LAMA5: variants seen among roughly 807,000 people sequenced by gnomAD.
The protein encoded by LAMA5 is laminin subunit alpha 5.
Under a neutral mutation model 433.4 loss-of-function variants are expected in LAMA5, and 260 were observed. The ratio of observed to expected loss-of-function variants is 0.60; its 90% CI spans 0.54 to 0.66. LAMA5 has a LOEUF of 0.66. Ranked by LOEUF, LAMA5 falls within the 30% of genes least tolerant of loss-of-function variation. The pLI is 0.00. For missense variants in LAMA5, 5,378 were observed against 5,258.5 expected, an observed-to-expected ratio of 1.02 and a Z score of -0.70; for synonymous variants, 2,620 against 2,226.6, an observed-to-expected ratio of 1.18 and a Z score of -4.97.
rs571296023 is a variant in LAMA5 at position 62,319,725 on chromosome 20, G to A, written c.6830C>T (p.Thr2277Met). ...CACAGCCCGGATGGCCGCCAACAGC[G>A]TCTTCGCATGGCCCAGTGTGGCCTC... ...GTEATLGHAK[T>M]LLAAIRAVDR... Residue 2277 changes from threonine (T) to methionine (M), a missense_variant, in exon 51 of 80, where the codon ACG (threonine) becomes ATG (methionine). Physicochemically the swap from Thr to Met is moderately conservative, Grantham distance 81. Transcript: ENST00000252999. 2.5e-5 allele frequency: 38 copies of A among 1,548,294 alleles called. No homozygotes were observed. The East Asian group carries it at 4.4e-4, about 18-fold the overall frequency.
chr20:62,314,522 G>A (rs1161838515), intron 61 of LAMA5, 33 bp downstream of exon 61: 2 of 1,605,814 alleles, frequency 1.2e-6, no homozygotes, highest in Non-Finnish European at 8.5e-7. Flanking sequence ...CAGAGCCTGA[G>A]CTCGGGCCGC....
chr20:62,338,340 C>A lies in LAMA5; in HGVS notation c.1648G>T (p.Asp550Tyr). Reference protein sequence around the residue: ...PCQCSSPGVADDRCDPDTGQC... With the variant: ...PCQCSSPGVAYDRCDPDTGQC... ...CCTGTGTCAGGGTCACAGCGGTCAT[C>A]GGCCACTCCAGGGCTGGAACACTGG... The change falls in exon 13 of 80, where the codon GAT becomes TAT. Residue 550 changes from aspartate (D) to tyrosine (Y), a missense_variant. Asp to Tyr is a radical substitution (Grantham distance 160, BLOSUM62 -3). Transcript: ENST00000252999. 6.2e-7 allele frequency: 1 copy of A among 1,608,658 alleles called. No individual in the cohort carries two copies. Among genetic ancestry groups the A allele is most frequent in the Non-Finnish European group, 8.5e-7 (1 of 1,177,806 alleles).
intron 9 of LAMA5, 131 bp downstream of exon 9, chr20:62,346,375 C>T (rs938656348): frequency 6.6e-6 from 9 of 1,359,550 alleles, no homozygotes; most frequent in Non-Finnish European, 9.0e-6. Flanking sequence ...GCCCCGTGGC[C>T]TGGGAGGCTC....
At chr20:62,317,521 C>T (rs1158073100) in intron 54 of LAMA5, 22 bp from the exon 55 acceptor site, 3 of 1,533,216 alleles carry the variant, frequency 2.0e-6, no homozygotes, top group Admixed American at 2.0e-5. Context: ...GTGGACTTAG[C>T]CCCTCATCCT....
chr20:62,311,068 G>T lies in LAMA5; in HGVS notation c.10115C>A (p.Pro3372Gln). Residue 3372 changes from proline to glutamine, a missense_variant, in exon 74 of 80, where the codon CCG (proline) becomes CAG (glutamine). Transcript: ENST00000252999. ...GAGGAGGAGGCCTCGGGAGCTTCGC[G>T]GGAGGACGTGCATGGAGAGACTGGG... The part of the protein sequence containing the change: ...NWPSLSMHVL[P>Q]RSSRGLLLFT... 1 of 1,593,812 alleles carries T rather than the reference G, an allele frequency of 6.3e-7. No individual in the cohort carries two copies. The highest frequency in any genetic ancestry group is 1.1e-5 in the South Asian group (1 of 88,692).
chr20:62,319,194 G>A (rs1987383168), intron 51 of LAMA5, 181 bp from the exon 52 acceptor site: 1 of 608,744 alleles, frequency 1.6e-6, no homozygotes, highest in East Asian at 2.8e-5. Context: ...CACCTGCCCG[G>A]CCCTCACCTC....
intron 3 of LAMA5, 154 bp downstream of exon 3, chr20:62,352,979 TG>T (rs2146316170): frequency 1.7e-6 from 1 of 589,868 alleles, no homozygotes; most frequent in South Asian, 2.1e-5. Context: ...TAAATCCCCA[TG>T]AGCCTTCGGG....
In LAMA5 at chr20:62,319,734, T is replaced by TGGC. The variant is rs1568913378; in HGVS notation, c.6818_6820dup (p.Gly2273_His2274insArg). On this transcript the variant is annotated inframe_insertion, in exon 51 of 80. Coordinates refer to ENST00000252999, the MANE Select transcript of LAMA5 (RefSeq NM_005560.6). ...GATGGCCGCCAACAGCGTCTTCGCA[T>TGGC]GGCCCAGTGTGGCCTCGGTGCCGGC... 6.5e-7 allele frequency: 1 copy of TGGC among 1,548,990 alleles called. No individual in the cohort carries two copies. Among genetic ancestry groups the TGGC allele is most frequent in the Non-Finnish European group, 8.7e-7 (1 of 1,147,532 alleles).
chr20:62,336,668 ACT>A, intron 17 of LAMA5, 64 bp downstream of exon 17: 1 of 1,570,806 alleles, frequency 6.4e-7, no homozygotes, highest in South Asian at 1.1e-5. Flanking sequence ...GTCTCACCGG[ACT>A]CGGGACTTTT....
intron 56 of LAMA5, 49 bp downstream of exon 56, chr20:62,316,833 G>A (rs1986986187): frequency 6.5e-7 from 1 of 1,544,534 alleles, no homozygotes; most frequent in Non-Finnish European, 8.7e-7. Flanking sequence ...GGGAGGTGCA[G>A]GCAGTGGGGG....
chr20:62,336,475 C>A (rs750121084), intron 17 of LAMA5, 30 bp from the exon 18 acceptor site: 1 of 1,567,064 alleles, frequency 6.4e-7, no homozygotes, highest in Non-Finnish European at 8.7e-7. Flanking sequence ...CAGGTCAGAG[C>A]GGGCGCCCTG....
intron 11 of LAMA5, among the ~76,000 whole-genome samples, chr20:62,343,450 C>T (rs1982896232): frequency 6.6e-6 from 1 of 152,014 alleles, no homozygotes; most frequent in Non-Finnish European, 1.5e-5. Context: ...GGCAAATGAC[C>T]CATCAGGAGA....
At chr20:62,332,073 A>G (rs1010182171) in intron 28 of LAMA5, among the ~76,000 whole-genome samples, 12 of 151,502 alleles carry the variant, frequency 7.9e-5, no homozygotes, top group African/African-American at 2.9e-4. Flanking sequence ...AAAAGAAAAG[A>G]AAGTTCCAGA....
In LAMA5 at chr20:62,352,034, A is replaced by G; in HGVS notation, c.733T>C (p.Ser245Pro). The change falls in exon 5 of 80, where the codon TCC becomes CCC. Residue 245 changes from serine to proline, a missense_variant. By Grantham distance (74) the Ser-to-Pro change is moderately conservative (BLOSUM62 -1). Coordinates refer to ENST00000252999, the MANE Select transcript of LAMA5 (RefSeq NM_005560.6). ...AACTCACGTAGCAGCGGCGAGTAGG[A>G]GAAATTCATGGCGCCCGGACGTCCG... Reference protein sequence around the residue: ...VNGRPGAMNFSYSPLLREFTK... With the variant: ...VNGRPGAMNFPYSPLLREFTK... 2 of 1,612,646 alleles carry G rather than the reference A, an allele frequency of 1.2e-6. No homozygotes were observed. The highest frequency in any genetic ancestry group is 1.7e-6 in the Non-Finnish European group (2 of 1,179,932).
At chr20:62,348,286 G>A (rs1983674304) in intron 6 of LAMA5, among the ~76,000 whole-genome samples, 2 of 152,150 alleles carry the variant, frequency 1.3e-5, no homozygotes, top group Non-Finnish European at 2.9e-5. Context: ...AGCCAGGGAA[G>A]AATGTTAAAA....
intron 21 of LAMA5, 35 bp downstream of exon 21, chr20:62,334,487 C>T (rs755917329): frequency 2.0e-5 from 31 of 1,532,666 alleles, no homozygotes; most frequent in Middle Eastern, 2.1e-4. Context: ...CTGCCTGCCC[C>T]GCTCCCCACC....
Position 62,311,765 on chromosome 20 carries a change from C to A in LAMA5, c.9655G>T (p.Asp3219Tyr). 6.4e-7 allele frequency: 1 copy of A among 1,560,420 alleles called. No homozygotes were observed. The highest frequency in any genetic ancestry group is 1.2e-5 in the South Asian group (1 of 84,450). Reference protein sequence around the residue: ...NATGVWLYVDDQLQQMKPHRG... With the variant: ...NATGVWLYVDYQLQQMKPHRG... ...TGGGGCTTCATCTGCTGGAGCTGGTCATCGACATACAGCCAGACTCTGGGG... is the reference window on the plus strand; with the variant it reads ...TGGGGCTTCATCTGCTGGAGCTGGTAATCGACATACAGCCAGACTCTGGGG... Residue 3219 changes from aspartate (D) to tyrosine (Y), a missense_variant, in exon 71 of 80, where the codon GAC becomes TAC. Coordinates refer to ENST00000252999, the MANE Select transcript of LAMA5 (RefSeq NM_005560.6).
Position 62,322,032 on chromosome 20 carries a change from G to A in LAMA5, c.6483C>T (p.Ser2161=). The A allele has an allele frequency of 1.9e-6, 3 of 1,598,808 alleles. No individual in the cohort carries two copies. The highest frequency in any genetic ancestry group is 1.7e-6 in the Non-Finnish European group (2 of 1,179,374). Reference sequence around the variant, plus strand: ...TTGAGGACACACCTTCACAGTGGATGCTGTGGCCCACAGGCCCGCCTGGAA... The same window carrying A: ...TTGAGGACACACCTTCACAGTGGATACTGTGGCCCACAGGCCCGCCTGGAA... ...VPVPGGPVGH[S]IHCEVCDHCV... is the part of the protein sequence containing the mutation. The change falls in exon 48 of 80, where the codon AGC becomes AGT. Residue 2161 remains serine, a synonymous_variant. Transcript: ENST00000252999.
chr20:62,331,650 C>T (rs1313762777), intron 28 of LAMA5, among the ~76,000 whole-genome samples: 1 of 152,238 alleles, frequency 6.6e-6, no homozygotes, highest in African/African-American at 2.4e-5. Flanking sequence ...CAAATGGGTG[C>T]TCCCTTTCCG....
Sources: gnomAD v4.1 joint callset for allele counts (sites outside exome capture counted in the v4.1 genomes callset) on GRCh38, gnomAD v4.1.1 for gene constraint, MANE v1.5 for transcripts, NCBI Gene and HGNC (gene_info 2026-07-23, HGNC 2026-07-21) for gene names.